HPSE2: variants seen among roughly 807,000 people sequenced by gnomAD.
HPSE2 encodes the protein inactive heparanase-2.
Under a neutral mutation model 60.5 loss-of-function variants are expected in HPSE2, and 38 were observed. The ratio of observed to expected loss-of-function variants is 0.63; its 90% confidence interval spans 0.48 to 0.82. The LOEUF (loss-of-function observed/expected upper bound fraction) is 0.82, where lower values mean the gene tolerates loss of function less well. HPSE2 is among the 40% of genes least tolerant of loss of function. HPSE2 has a pLI of 0.00. For missense variants in HPSE2, 713 were observed against 740.4 expected, an observed-to-expected ratio of 0.96 and a Z score of 0.43; for synonymous variants, 295 against 293.2, an observed-to-expected ratio of 1.01 and a Z score of -0.06.
rs1055772197 is a variant in HPSE2 at position 98,475,756 on chromosome 10, C to T, written c.1613+6880G>A. Among the ~76,000 whole-genome samples the T allele has an allele frequency of 3.9e-5, 6 of 152,096 alleles. No homozygotes were observed. In the South Asian group the frequency reaches 1.0e-3, roughly 26 times the overall value. On this transcript the variant is annotated intron_variant, in intron 11 of 11. Coordinates refer to ENST00000370552, the MANE Select transcript of HPSE2 (RefSeq NM_021828.5). ...GCATAATAAAAACAGAAGGGAATTC[C>T]CCACTTCTTCTGGAAAAAAAAATGT...
rs539288889 is a variant in HPSE2 at position 99,130,010 on chromosome 10, CA to C, written c.610+14227del. Among the ~76,000 whole-genome samples the C allele has an allele frequency of 1.8e-3, 273 of 152,048 alleles. 2 individuals carry two copies. The highest frequency in any genetic ancestry group is 6.4e-3 in the African/African-American group (265 of 41,490). Reference sequence around the variant, plus strand: ...AGGCTACCAGGAACACCTTTACGTGCACAAACTAGAAAATTTACAGGACATG... The same window carrying C: ...AGGCTACCAGGAACACCTTTACGTGCCAAACTAGAAAATTTACAGGACATG... On this transcript the variant is annotated intron_variant, in intron 3 of 11. Coordinates refer to ENST00000370552, the MANE Select transcript of HPSE2 (RefSeq NM_021828.5).
chr10:98,773,986 G>A (rs1950292376), intron 3 of HPSE2, among the ~76,000 whole-genome samples: 1 of 152,074 alleles, frequency 6.6e-6, no homozygotes, highest in African/African-American at 2.4e-5. Flanking sequence ...AGCCCAAGGA[G>A]GTCAAGGGTG....
chr10:98,756,433 AAAGAAAG>A (rs1020017224), intron 3 of HPSE2, among the ~76,000 whole-genome samples: 74 of 149,898 alleles, frequency 4.9e-4, no homozygotes, highest in African/African-American at 1.6e-3. Flanking sequence ...CTAGACTAAT[AAAGAAAG>A]AAGAAAGAAG....
intron 3 of HPSE2, among the ~76,000 whole-genome samples, chr10:99,098,747 A>G (rs1429788987): frequency 1.3e-5 from 2 of 152,186 alleles, no homozygotes; most frequent in African/African-American, 4.8e-5. Context: ...ACTTATGATA[A>G]TTATTTTATT....
At chr10:99,220,055 T>A (rs1443894485) in intron 2 of HPSE2, among the ~76,000 whole-genome samples, 2 of 152,188 alleles carry the variant, frequency 1.3e-5, no homozygotes, top group Non-Finnish European at 2.9e-5. Flanking sequence ...TCTATCTGCA[T>A]CCAAAACTTT....
At chr10:98,554,764 A>G (rs1214195745) in intron 9 of HPSE2, among the ~76,000 whole-genome samples, 1 of 152,226 alleles carries the variant, frequency 6.6e-6, no homozygotes, top group Non-Finnish European at 1.5e-5. Flanking sequence ...TCTGGAAATT[A>G]AGAGGTTTGC....
rs112931048 is a variant in HPSE2, at chr10:98,805,484, T to G, written c.611-61428A>C. 7.4e-3 allele frequency among the ~76,000 whole-genome samples: 1,131 copies of G among 152,234 alleles called. 20 individuals carry two copies. The highest frequency in any genetic ancestry group is 0.026 in the African/African-American group (1,087 of 41,526). ...GCCTATTGCAAAGCAAGTGTATATA[T>G]TTATGGGGTACATAGGGCATATCTT... On this transcript the variant is annotated intron_variant, in intron 3 of 11. Coordinates refer to ENST00000370552, the MANE Select transcript of HPSE2 (RefSeq NM_021828.5).
chr10:99,115,685 T>A (rs7901250), intron 3 of HPSE2, among the ~76,000 whole-genome samples: 24 of 152,198 alleles, frequency 1.6e-4, no homozygotes, highest in African/African-American at 5.5e-4. Flanking sequence ...TTTCCCATAT[T>A]GTTTTTTTCT....
chr10:98,726,490 C>T (rs149349789), intron 4 of HPSE2, among the ~76,000 whole-genome samples: 17,883 of 69,670 alleles, frequency 0.26, 1,685 homozygotes, highest in Admixed American at 0.4. Flanking sequence ...TGTTGTGGGG[C>T]AGGGGGAGGG....
At position 98,492,376 on chromosome 10, in the gene HPSE2, C is replaced by T. The variant is rs535066662; in HGVS notation, c.1321-2180G>A. Among the ~76,000 whole-genome samples the T allele has an allele frequency of 4.3e-3, 654 of 152,060 alleles. 2 individuals carry two copies. The highest frequency in any genetic ancestry group is 0.017 in the South Asian group (81 of 4,796). ...AATTAGCAGGGCGTGGTGATGGGCG[C>T]CTGTAGTCCCAGCTACTCGGGAGGC... is the stretch of plus-strand genomic sequence containing the variant. On this transcript the variant is annotated intron_variant, in intron 9 of 11. Transcript: ENST00000370552.
intron 5 of HPSE2, among the ~76,000 whole-genome samples, chr10:98,694,757 C>T (rs1472051796): frequency 6.6e-6 from 1 of 152,226 alleles, no homozygotes; most frequent in Non-Finnish European, 1.5e-5. Context: ...CTATCTCCTT[C>T]TCCCTATCCA....
intron 3 of HPSE2, among the ~76,000 whole-genome samples, chr10:98,827,876 TTTTA>T (rs967996699): frequency 2.0e-5 from 3 of 152,328 alleles, no homozygotes; most frequent in South Asian, 4.1e-4. Flanking sequence ...GAAGGTTTTA[TTTTA>T]TTTATTTATT....
chr10:98,635,932 A>T (rs1208413134), intron 7 of HPSE2, among the ~76,000 whole-genome samples: 2 of 152,220 alleles, frequency 1.3e-5, no homozygotes, highest in African/African-American at 4.8e-5. Context: ...AGGCATAGAA[A>T]GATAAATACC....
chr10:98,813,013 C>T (rs912735784), intron 3 of HPSE2, among the ~76,000 whole-genome samples: 3 of 152,204 alleles, frequency 2.0e-5, no homozygotes, highest in Admixed American at 1.3e-4. Flanking sequence ...TTTCTATGGG[C>T]TGGATAAGGC....
intron 3 of HPSE2, among the ~76,000 whole-genome samples, chr10:99,124,731 G>A (rs1409726903): frequency 6.6e-6 from 1 of 152,266 alleles, no homozygotes; most frequent in East Asian, 1.9e-4. Flanking sequence ...TTCCGAGCCT[G>A]CTGGGGCAGA....
intron 3 of HPSE2, among the ~76,000 whole-genome samples, chr10:98,908,379 G>A (rs1953881327): frequency 6.6e-6 from 1 of 152,142 alleles, no homozygotes; most frequent in South Asian, 2.1e-4. Flanking sequence ...ATGATCCATA[G>A]TAGATATAAG....
intron 6 of HPSE2, among the ~76,000 whole-genome samples, chr10:98,674,373 A>C (rs1468422629): frequency 6.6e-6 from 1 of 152,236 alleles, no homozygotes; most frequent in African/African-American, 2.4e-5. Context: ...GGTTGGGAAT[A>C]ATGGAAAGTC....
At chr10:99,305,975 G>GTA in the HPSE2 span, among the ~76,000 whole-genome samples, 3 of 48,122 alleles carry the variant, frequency 6.2e-5, no homozygotes, top group African/African-American at 1.3e-4. Context: ...GCGCGCGCGC[G>GTA]CGCGCACACA....
intron 3 of HPSE2, among the ~76,000 whole-genome samples, chr10:98,945,915 T>C (rs1955167554): frequency 6.6e-6 from 1 of 152,154 alleles, no homozygotes; most frequent in African/African-American, 2.4e-5. Flanking sequence ...GCACAGATTA[T>C]ATAGTTGATC....
Sources: gnomAD v4.1 joint callset for allele counts (sites outside exome capture counted in the v4.1 genomes callset) on GRCh38, gnomAD v4.1.1 for gene constraint, MANE v1.5 for transcripts, NCBI Gene and HGNC (gene_info 2026-07-23, HGNC 2026-07-21) for gene names.